Variants in DDX1 observed in about 807,000 individuals in gnomAD.
The protein encoded by DDX1 is ATP-dependent RNA helicase DDX1.
A neutral mutation model predicts 108.7 loss-of-function variants in DDX1; 28 were observed. The observed-to-expected ratio is 0.26, with a 90% CI of 0.19 to 0.35. The LOEUF (loss-of-function observed/expected upper bound fraction) is 0.35. DDX1 is among the 10% of genes least tolerant of loss of function. DDX1 has a pLI of 1.00. For missense variants in DDX1, 710 were observed against 884.5 expected (o/e 0.80, Z 2.50); for synonymous variants, 295 against 288.9 (o/e 1.02, Z -0.21).
chr2:15,595,451 T>TC (rs1161440563), intron 2 of DDX1, 39 bp from the exon 3 acceptor site: 1 of 1,546,814 alleles, frequency 6.5e-7, no homozygotes, highest in African/African-American at 1.4e-5. Context: ...GCGATTTTTT[T>TC]CCCCAGTAAC....
intron 17 of DDX1, among the ~76,000 whole-genome samples, 193 bp downstream of exon 17, chr2:15,620,589 A>G (rs1246630013): frequency 6.6e-6 from 1 of 152,166 alleles, no homozygotes; most frequent in Non-Finnish European, 1.5e-5. Context: ...TGTCTTCGTA[A>G]TATTACTTTT....
chr2:15,621,369 C>T lies in DDX1; in HGVS notation c.1447+253C>T, dbSNP rs1001486126. 3.0e-5 allele frequency: 12 copies of T among 398,650 alleles called. 1 individual carries two copies. Among genetic ancestry groups the T allele is most frequent in the Middle Eastern group, 1.3e-3 (2 of 1,494 alleles). 24.7% of individuals were successfully genotyped at this position (398,650 alleles called of 1,614,324 possible). ...TCACCCAAGCTGGAGTGCAATGGCA[C>T]AGTCTCAGCTCAAGGCAACCTCGGC... is the stretch of plus-strand genomic sequence containing the variant. On this transcript the variant is annotated intron_variant, in intron 18 of 25. Coordinates refer to ENST00000233084, the MANE Select transcript of DDX1 (RefSeq NM_004939.3).
Position 15,602,554 on chromosome 2 carries a change from G to A in DDX1, c.314G>A (p.Gly105Glu), listed in dbSNP as rs2148738881. 5 of 1,613,036 alleles carry A rather than the reference G, an allele frequency of 3.1e-6. No individual in the cohort carries two copies. Among genetic ancestry groups the A allele is most frequent in the South Asian group, 1.1e-5 (1 of 91,040 alleles). ...GTTTTCTTCTCAAATCCAGCAATTG[G>A]GTCAGATGGTCTTTGTTGTCAAAGC... Reference protein sequence around the residue: ...PYDRGSAFAIGSDGLCCQSRE... With the variant: ...PYDRGSAFAIESDGLCCQSRE... Residue 105 changes from glycine to glutamate, a missense_variant, in exon 7 of 26, where the codon GGG (glycine) becomes GAG (glutamate). Gly to Glu is a moderately conservative substitution (Grantham distance 98). Coordinates refer to ENST00000233084, the MANE Select transcript of DDX1 (RefSeq NM_004939.3).
chr2:15,614,751 A>G (rs1003153765), intron 14 of DDX1, among the ~76,000 whole-genome samples: 4 of 152,200 alleles, frequency 2.6e-5, no homozygotes, highest in East Asian at 1.9e-4. Context: ...TTTATAAATT[A>G]TCTACTTTGT....
chr2:15,619,580 GT>G (rs1449120298), intron 16 of DDX1, among the ~76,000 whole-genome samples: 2 of 152,198 alleles, frequency 1.3e-5, no homozygotes, highest in African/African-American at 4.8e-5. Context: ...GGGTCAAAGG[GT>G]TTTTGTTTGG....
In DDX1 at chr2:15,602,735, C is replaced by A; in HGVS notation, c.391+104C>A. On this transcript the variant is annotated intron_variant, in intron 7 of 25. Coordinates refer to ENST00000233084, the MANE Select transcript of DDX1 (RefSeq NM_004939.3). ...TTTGTTTTTGAGATGGAGTCTCGCACGTCGCCCGGGCTGGAGGGCCCGGGC... is the reference window on the plus strand; with the variant it reads ...TTTGTTTTTGAGATGGAGTCTCGCAAGTCGCCCGGGCTGGAGGGCCCGGGC... 4.6e-6 allele frequency: 4 copies of A among 870,236 alleles called. No homozygotes were observed. In the South Asian group the frequency reaches 4.9e-5, roughly 11 times the overall value. 53.9% of individuals were successfully genotyped at this position (870,236 alleles called of 1,614,324 possible). A position where few individuals can be genotyped will look rare whatever the true frequency, so the allele number is the denominator to read the frequency against.
At chr2:15,611,782 G>A (rs1442119051) in intron 13 of DDX1, among the ~76,000 whole-genome samples, 201 of 87,504 alleles carry the variant, frequency 2.3e-3, no homozygotes, top group East Asian at 5.9e-3. Context: ...CTGGCCGGGC[G>A]GGGGGCTGAC....
In DDX1 at chr2:15,628,823, C is replaced by T; in HGVS notation, c.1859C>T (p.Ala620Val). Residue 620 changes from alanine (A) to valine (V), a missense_variant, in exon 23 of 26, where the codon GCA becomes GTA. By Grantham distance (64) the Ala-to-Val change is moderately conservative. Transcript: ENST00000233084. ...ERMGLAISLVATEKEKVWYHV... is the reference protein window; with the variant it reads ...ERMGLAISLVVTEKEKVWYHV... ...ATGGGTCTGGCAATTTCCCTGGTGG[C>T]AACAGAAAAAGAAAAGGTAATCTTT... is the stretch of plus-strand genomic sequence containing the variant. 6.2e-7 allele frequency: 1 copy of T among 1,613,384 alleles called. No homozygotes were observed. Among genetic ancestry groups the T allele is most frequent in the Non-Finnish European group, 8.5e-7 (1 of 1,179,504 alleles).
At chr2:15,610,127 T>TATAGAAA (rs1304044078) in intron 13 of DDX1, among the ~76,000 whole-genome samples, 1 of 152,164 alleles carries the variant, frequency 6.6e-6, no homozygotes, top group Non-Finnish European at 1.5e-5. Context: ...AGACATGGTC[T>TATAGAAA]TGCTATGTTG....
chr2:15,608,313 A>T (rs1665698793), intron 13 of DDX1, among the ~76,000 whole-genome samples: 1 of 152,118 alleles, frequency 6.6e-6, no homozygotes, highest in African/African-American at 2.4e-5. Flanking sequence ...CGGTCACCTG[A>T]GGTCAGGAGT....
In DDX1 at chr2:15,619,574, C is replaced by T. The variant is rs1029902224; in HGVS notation, c.1207-634C>T. Among the ~76,000 whole-genome samples the T allele has an allele frequency of 4.6e-5, 7 of 152,220 alleles. No homozygotes were observed. In the South Asian group the frequency reaches 1.2e-3, roughly 27 times the overall value. On this transcript the variant is annotated intron_variant, in intron 16 of 25. Transcript: ENST00000233084. ...CATCATTAATGCTTATGAGCAGGGT[C>T]AAAGGGTTTTTGTTTGGTCCCCTCT...
At chr2:15,603,721 T>C in intron 8 of DDX1, 93 bp from the exon 9 acceptor site, 1 of 818,232 alleles carries the variant, frequency 1.2e-6, no homozygotes, top group Non-Finnish European at 1.9e-6. Flanking sequence ...GTTTATGAAA[T>C]GGACATACTA....
At chr2:15,593,796 G>A (rs183570339) in intron 1 of DDX1, among the ~76,000 whole-genome samples, 19 of 151,912 alleles carry the variant, frequency 1.3e-4, no homozygotes, top group African/African-American at 4.3e-4. Flanking sequence ...TAGGAAAGTC[G>A]CCAGGTGCAG....
chr2:15,604,719 A>T (rs1436205675), intron 10 of DDX1, among the ~76,000 whole-genome samples: 1 of 152,198 alleles, frequency 6.6e-6, no homozygotes, highest in Non-Finnish European at 1.5e-5. Flanking sequence ...TGGGGCTTAC[A>T]CACTAGTGGT....
chr2:15,611,199 G>A (rs1479447930), intron 13 of DDX1, among the ~76,000 whole-genome samples: 4 of 149,932 alleles, frequency 2.7e-5, no homozygotes, highest in African/African-American at 9.9e-5. Flanking sequence ...ACAGGGTTGG[G>A]GGTAAGGTCA....
At chr2:15,613,198 T>A in intron 13 of DDX1, 26 bp from the exon 14 acceptor site, 1 of 1,481,416 alleles carries the variant, frequency 6.8e-7, no homozygotes, top group Non-Finnish European at 9.2e-7. Context: ...TTTTTTTTTA[T>A]ATTATCATCT....
rs1665504311 is a variant in DDX1, at chr2:15,596,640, TCA to T, written c.133-93_133-92del. 2.7e-6 allele frequency: 3 copies of T among 1,095,892 alleles called. No individual in the cohort carries two copies. The South Asian group carries it at 4.1e-5, about 15-fold the overall frequency. The allele number at this position is 1,095,892 out of a possible 1,614,324, so 67.9% of individuals were successfully genotyped here. A position where few individuals can be genotyped will look rare whatever the true frequency, so the allele number is the denominator to read the frequency against. Reference sequence around the variant, plus strand: ...GCACTGTGAAAATAAAGGTAGCCAGTCAAATGTTAAAGATTTCTACATACTAT... The same window carrying T: ...GCACTGTGAAAATAAAGGTAGCCAGTAATGTTAAAGATTTCTACATACTAT... On this transcript the variant is annotated intron_variant, in intron 3 of 25. Coordinates refer to ENST00000233084, the MANE Select transcript of DDX1 (RefSeq NM_004939.3).
chr2:15,622,351 C>T lies in DDX1; in HGVS notation c.1448-1085C>T, dbSNP rs79559589. 2.0e-3 allele frequency among the ~76,000 whole-genome samples: 311 copies of T among 152,288 alleles called. 2 individuals are homozygous for T. The highest frequency in any genetic ancestry group is 7.4e-3 in the African/African-American group (308 of 41,558). On this transcript the variant is annotated intron_variant, in intron 18 of 25. Coordinates refer to ENST00000233084, the MANE Select transcript of DDX1 (RefSeq NM_004939.3). ...TTAAAAAGCCTAACATTAAATTCCGCCTCAATGAAGATTCTTCTTTGCAGA... is the reference window on the plus strand; with the variant it reads ...TTAAAAAGCCTAACATTAAATTCCGTCTCAATGAAGATTCTTCTTTGCAGA...
chr2:15,625,477 T>G (rs79047199), intron 19 of DDX1, among the ~76,000 whole-genome samples: 6 of 152,124 alleles, frequency 3.9e-5, no homozygotes, highest in Non-Finnish European at 5.9e-5. Flanking sequence ...TCTAGTTAAT[T>G]ATATGCATGC....
Sources: gnomAD v4.1 joint callset for allele counts (sites outside exome capture counted in the v4.1 genomes callset) on GRCh38, gnomAD v4.1.1 for gene constraint, MANE v1.5 for transcripts, NCBI Gene and HGNC (gene_info 2026-07-23, HGNC 2026-07-21) for gene names.